The following FHAD1 variants were observed in gnomAD, a reference collection of about 807,000 sequenced individuals.
The protein encoded by FHAD1 is forkhead associated phosphopeptide binding domain 1, also known as forkhead-associated domain-containing protein 1.
In FHAD1, 146 loss-of-function variants were observed where a neutral mutation model predicts 191.3. The ratio of observed to expected loss-of-function variants is 0.76; its 90% CI spans 0.67 to 0.88. The LOEUF (loss-of-function observed/expected upper bound fraction) is 0.88, where lower values mean the gene tolerates loss of function less well. FHAD1 is among the 40% of genes least tolerant of loss of function. FHAD1 has a pLI of 0.00. For missense variants in FHAD1, 1,635 were observed against 1,785.8 expected (o/e 0.92, Z 1.52); for synonymous variants, 616 against 672.3 (o/e 0.92, Z 1.29).
intron 19 of FHAD1, among the ~76,000 whole-genome samples, chr1:15,352,510 A>G (rs1192702529): frequency 6.6e-6 from 1 of 152,090 alleles, no homozygotes. Context: ...CCACCTCCCA[A>G]AGGGCCAAGT....
chr1:15,356,609 C>T (rs765701279), intron 20 of FHAD1, among the ~76,000 whole-genome samples: 17 of 152,144 alleles, frequency 1.1e-4, no homozygotes, highest in Non-Finnish European at 2.4e-4. Flanking sequence ...CAGTGACTCA[C>T]GCCTGTAATC....
chr1:15,256,703 T>C (rs1648311999), intron 2 of FHAD1, among the ~76,000 whole-genome samples: 1 of 139,634 alleles, frequency 7.2e-6, no homozygotes, highest in Admixed American at 7.1e-5. Context: ...CCTTAGGACC[T>C]CACCCTGCCC....
intron 4 of FHAD1, among the ~76,000 whole-genome samples, chr1:15,294,050 C>G (rs774780615): frequency 6.6e-6 from 1 of 152,140 alleles, no homozygotes; most frequent in Non-Finnish European, 1.5e-5. Flanking sequence ...ACCGTGTTTC[C>G]CTGATGCGGA....
rs147143072 is a variant in FHAD1 at position 15,249,644 on chromosome 1, A to T, written c.-14-2127A>T. ...TATCTGGCTTGTTTTTATTTCTCTT[A>T]CTCCCAAGGGTCTTTTCTTTTTTTG... is the stretch of plus-strand genomic sequence containing the variant. On this transcript the variant is annotated intron_variant, in intron 1 of 33. Transcript: ENST00000688493. Among the ~76,000 whole-genome samples, 604 of 152,178 alleles carry T rather than the reference A, an allele frequency of 4.0e-3. 16 individuals carry two copies. In the South Asian group the frequency reaches 0.078, roughly 20 times the overall value.
chr1:15,253,148 C>CTGTGTGTGTG lies in FHAD1; in HGVS notation c.93+1299_93+1308dup, dbSNP rs5772631. 2.0e-3 allele frequency among the ~76,000 whole-genome samples: 285 copies of CTGTGTGTGTG among 146,146 alleles called. 1 individual carries two copies. The highest frequency in any genetic ancestry group is 5.7e-3 in the East Asian group (28 of 4,942). On this transcript the variant is annotated intron_variant, in intron 2 of 33. Coordinates refer to ENST00000688493, the MANE Select transcript of FHAD1 (RefSeq NM_001391957.1). ...CAAAACCAGGAAATTGACATAAGTG[C>CTGTGTGTGTG]TGTGTGTGTGTGTGTGTGTGTGTGT...
chr1:15,382,574 G>A (rs952296880), intron 31 of FHAD1, among the ~76,000 whole-genome samples: 8 of 152,160 alleles, frequency 5.3e-5, no homozygotes, highest in South Asian at 4.1e-4. Context: ...TTTGGTGAAC[G>A]GATGGGTGGA....
intron 20 of FHAD1, among the ~76,000 whole-genome samples, chr1:15,356,270 C>T (rs2102561707): frequency 6.6e-6 from 1 of 152,336 alleles, no homozygotes; most frequent in East Asian, 1.9e-4. Flanking sequence ...AGTCAGTGTT[C>T]CAAAGCAGGG....
chr1:15,358,130 A>G lies in FHAD1; in HGVS notation c.2583A>G (p.Gln861=). 6.6e-7 allele frequency: 1 copy of G among 1,511,488 alleles called. No individual in the cohort carries two copies. The highest frequency in any genetic ancestry group is 8.8e-7 in the Non-Finnish European group (1 of 1,136,892). The allele number at this position is 1,511,488 out of a possible 1,614,324, so 93.6% of individuals were successfully genotyped here. A position where few individuals can be genotyped will look rare whatever the true frequency, so the allele number is the denominator to read the frequency against. ...TCTAGGAATTAGAATTAAAAGAGCA[A>G]AAAGAGGACGTTTTAAATAATAAAT... ...KQKEELELKE[Q]KEDVLNNKLS... is the part of the protein sequence containing the mutation. The change falls in exon 21 of 34, where the codon CAA becomes CAG. Residue 861 remains glutamine (Q), a synonymous_variant. Coordinates refer to ENST00000688493, the MANE Select transcript of FHAD1 (RefSeq NM_001391957.1).
At chr1:15,384,598 GCA>G (rs1172896003) in intron 31 of FHAD1, 1 of 152,212 alleles carries the variant, frequency 6.6e-6, no homozygotes, top group Non-Finnish European at 1.5e-5. Context: ...GCCTCCCTAG[GCA>G]CACACAATGC....
chr1:15,314,877 T>C, intron 8 of FHAD1, among the ~76,000 whole-genome samples: 1 of 113,620 alleles, frequency 8.8e-6, no homozygotes, highest in African/African-American at 3.4e-5. Context: ...TGTGGTGTGG[T>C]ATGGGGGTGC....
At chr1:15,345,388 G>A in intron 17 of FHAD1, 28 bp from the exon 18 acceptor site, 3 of 1,542,234 alleles carry the variant, frequency 1.9e-6, no homozygotes, top group Non-Finnish European at 2.6e-6. Flanking sequence ...TGGTAACCAT[G>A]TCTATTGAAC....
chr1:15,349,238 G>T (rs1056345499), intron 19 of FHAD1, 89 bp downstream of exon 19: 477 of 1,006,700 alleles, frequency 4.7e-4, no homozygotes, highest in Non-Finnish European at 5.9e-4. Context: ...GCAGATATCA[G>T]AGCCATGCCT....
rs1696265856 is a variant in FHAD1 at position 15,365,883 on chromosome 1, A to G, written c.3104A>G (p.Lys1035Arg). 2 of 1,551,690 alleles carry G rather than the reference A, an allele frequency of 1.3e-6. No individual in the cohort carries two copies. The highest frequency in any genetic ancestry group is 2.7e-5 in the African/African-American group (2 of 73,150). Reference protein sequence around the residue: ...EILSQQEVIMKLRKDLTEAHS... With the variant: ...EILSQQEVIMRLRKDLTEAHS... ...CTGTCTCAGCAGGAAGTCATCATGA[A>G]GTTAAGGAAAGACCTTACCGAAGCC... The change falls in exon 24 of 34, where the codon AAG becomes AGG. Residue 1035 changes from lysine to arginine, a missense_variant. Physicochemically the swap from Lys to Arg is conservative, Grantham distance 26. Coordinates refer to ENST00000688493, the MANE Select transcript of FHAD1 (RefSeq NM_001391957.1).
chr1:15,305,759 A>G (rs1382835220), intron 6 of FHAD1: 3 of 448,798 alleles, frequency 6.7e-6, no homozygotes, highest in East Asian at 7.3e-5. Flanking sequence ...TGCCGCCGCC[A>G]TGTAAGAAGT....
At chr1:15,389,455 A>AC (rs1703271952) in intron 32 of FHAD1, among the ~76,000 whole-genome samples, 1 of 150,420 alleles carries the variant, frequency 6.6e-6, no homozygotes, top group African/African-American at 2.5e-5. Context: ...CTCAAAAAAA[A>AC]AAAAAAAAAA....
At chr1:15,322,168 C>T (rs769764982) in intron 10 of FHAD1, among the ~76,000 whole-genome samples, 2 of 152,072 alleles carry the variant, frequency 1.3e-5, no homozygotes, top group Non-Finnish European at 2.9e-5. Context: ...CTTTGGCTTG[C>T]TGTTTTTCAT....
upstream of FHAD1, among the ~76,000 whole-genome samples, chr1:15,245,428 G>A (rs1645900612): frequency 1.3e-5 from 2 of 151,990 alleles, no homozygotes; most frequent in Admixed American, 6.5e-5. Flanking sequence ...TTGTTTCATT[G>A]TTTCAAAAAA....
intron 6 of FHAD1, among the ~76,000 whole-genome samples, chr1:15,302,617 C>T (rs546809796): frequency 2.9e-4 from 44 of 151,652 alleles, no homozygotes; most frequent in African/African-American, 9.7e-4. Flanking sequence ...CCCAGCTACT[C>T]GGGAGGCAGT....
At position 15,329,601 on chromosome 1, in the gene FHAD1, A is replaced by C; in HGVS notation, c.1906+60A>C. On this transcript the variant is annotated intron_variant, in intron 14 of 33. Transcript: ENST00000688493. The surrounding 1 kb of genome is among the most constrained non-coding windows in gnomAD (Gnocchi z 5.0). ...ACTCTAAAATGTCGCGTTGAATCTC[A>C]GCATGATGGGACATCTGTTGAGGAA... 1.3e-4 allele frequency: 188 copies of C among 1,438,714 alleles called. No individual in the cohort carries two copies. Among genetic ancestry groups the C allele is most frequent in the Non-Finnish European group, 1.7e-4 (173 of 1,046,456 alleles). The allele number at this position is 1,438,714 out of a possible 1,614,324, so 89.1% of individuals were successfully genotyped here.
Sources: allele counts gnomAD v4.1 joint callset (sites outside exome capture counted in the v4.1 genomes callset), GRCh38; gene constraint gnomAD v4.1.1; non-coding constraint Gnocchi (gnomAD v3.1); transcripts MANE v1.5; gene names NCBI Gene and HGNC (gene_info 2026-07-23, HGNC 2026-07-21).